STON2: variants seen among roughly 807,000 people sequenced by gnomAD.
STON2 encodes the protein stonin-2.
A neutral mutation model predicts 65.7 loss-of-function variants in STON2; 29 were observed. The observed-to-expected ratio is 0.44, with a 90% CI of 0.33 to 0.60. The LOEUF is 0.60. Ranked by LOEUF, STON2 falls within the 20% of genes least tolerant of loss-of-function variation. The pLI, the probability that STON2 is intolerant of heterozygous loss-of-function variation, is 0.03. For missense variants in STON2, 1,054 were observed against 1,118.1 expected (o/e 0.94, Z 0.82); for synonymous variants, 404 against 414.2 (o/e 0.98, Z 0.30).
chr14:81,369,863 G>A (rs888845067), intron 4 of STON2, among the ~76,000 whole-genome samples: 3 of 152,146 alleles, frequency 2.0e-5, no homozygotes, highest in South Asian at 2.1e-4. Flanking sequence ...AGGTGTGCTC[G>A]CATCCATGAG....
rs76718993 is a variant in STON2 at position 81,307,337 on chromosome 14, C to T, written c.742+16680G>A. ...AACTAAGCAGTAGAAAATCTTCATT[C>T]CTTGAGGCTGATTGAGTGTAATTTT... On this transcript the variant is annotated intron_variant, in intron 5 of 7. Coordinates refer to ENST00000614646, the MANE Select transcript of STON2 (RefSeq NM_001394390.1). Among the ~76,000 whole-genome samples the T allele has an allele frequency of 5.5e-4, 84 of 152,312 alleles. 2 individuals are homozygous for T. The East Asian group carries it at 0.015, about 27-fold the overall frequency.
At chr14:81,435,168 A>G (rs1267237344) in intron 1 of STON2, among the ~76,000 whole-genome samples, 3 of 152,306 alleles carry the variant, frequency 2.0e-5, no homozygotes, top group Admixed American at 6.5e-5. Context: ...GTTGGAATGC[A>G]TTTATCTCTC....
rs1232528998 is a variant in STON2 at position 81,398,477 on chromosome 14, T to C, written c.-95A>G. The C allele has an allele frequency of 8.8e-6, 8 of 904,422 alleles. No individual in the cohort carries two copies. In the Admixed American group the frequency reaches 1.2e-4, roughly 13 times the overall value. The allele number at this position is 904,422 out of a possible 1,614,324, so 56.0% of individuals were successfully genotyped here. ...CTGGAGTAGGGGTATGGTAGTACGG[T>C]AGACTTGGGTCCAGGGTCTGTTCTA... On this transcript the variant is annotated 5_prime_UTR_variant, in exon 2 of 8. Coordinates refer to ENST00000614646, the MANE Select transcript of STON2 (RefSeq NM_001394390.1).
intron 2 of STON2, chr14:81,426,966 T>C (rs1902007991): frequency 6.6e-6 from 1 of 152,256 alleles, no homozygotes; most frequent in Admixed American, 6.5e-5. Context: ...GTAACACTTC[T>C]CATCTCTCAG....
In STON2 at chr14:81,267,328, TCAATC is replaced by T; in HGVS notation, c.*1081_*1085del. On this transcript the variant is annotated 3_prime_UTR_variant, in exon 8 of 8. Coordinates refer to ENST00000614646, the MANE Select transcript of STON2 (RefSeq NM_001394390.1). The stretch of plus-strand genomic sequence containing the variant: ...ACGTCTCTACCCTAGAGATGCCTTT[TCAATC>T]CAATCCAATACTGTGATTATCAAAC... 1 of 985,384 alleles carries T rather than the reference TCAATC, an allele frequency of 1.0e-6. No homozygotes were observed. Among genetic ancestry groups the T allele is most frequent in the South Asian group, 4.7e-5 (1 of 21,288 alleles). The allele number at this position is 985,384 out of a possible 1,614,324, so 61.0% of individuals were successfully genotyped here.
At chr14:81,401,960 G>A (rs866025037), upstream of STON2, among the ~76,000 whole-genome samples, 2 of 152,142 alleles carry the variant, frequency 1.3e-5, no homozygotes, top group South Asian at 2.1e-4. Flanking sequence ...GACAAGTGAG[G>A]GAAGCCTCTG....
intron 5 of STON2, among the ~76,000 whole-genome samples, chr14:81,291,654 A>G (rs937613599): frequency 3.3e-5 from 5 of 152,038 alleles, no homozygotes; most frequent in Non-Finnish European, 5.9e-5. Context: ...GTATGTTTGT[A>G]TGTTTATTAG....
chr14:81,265,702 A>G lies in STON2; in HGVS notation c.*2712T>C, dbSNP rs1177543296. 1.3e-6 allele frequency: 1 copy of G among 766,890 alleles called. No individual in the cohort carries two copies. Among genetic ancestry groups the G allele is most frequent in the Non-Finnish European group, 1.6e-6 (1 of 631,450 alleles). The allele number at this position is 766,890 out of a possible 1,614,324, so 47.5% of individuals were successfully genotyped here. Reference sequence around the variant, plus strand: ...CTCTGTCTCAATAATAATAATAATAATAATTTGTTTGCAGAATATAGATAG... The same window carrying G: ...CTCTGTCTCAATAATAATAATAATAGTAATTTGTTTGCAGAATATAGATAG... On this transcript the variant is annotated 3_prime_UTR_variant, in exon 8 of 8. Coordinates refer to ENST00000614646, the MANE Select transcript of STON2 (RefSeq NM_001394390.1).
At chr14:81,333,650 G>A (rs1434520503) in intron 4 of STON2, among the ~76,000 whole-genome samples, 7 of 152,162 alleles carry the variant, frequency 4.6e-5, no homozygotes, top group South Asian at 2.1e-4. Context: ...CAAATCCTTC[G>A]AGATGAGAGG....
chr14:81,272,856 A>C (rs1331663066), intron 6 of STON2, among the ~76,000 whole-genome samples: 1 of 152,232 alleles, frequency 6.6e-6, no homozygotes, highest in Admixed American at 6.5e-5. Context: ...AGATATTAAT[A>C]ACCCTATTTT....
chr14:81,267,434 C>T lies in STON2; in HGVS notation c.*980G>A. 1.0e-6 allele frequency: 1 copy of T among 985,300 alleles called. No individual in the cohort carries two copies. The highest frequency in any genetic ancestry group is 4.7e-5 in the South Asian group (1 of 21,274). 61.0% of individuals were successfully genotyped at this position (985,300 alleles called of 1,614,324 possible). A position where few individuals can be genotyped will look rare whatever the true frequency, so the allele number is the denominator to read the frequency against. ...AAAATTATCTTTGCAGCTTAAATTT[C>T]CTATAAAGTTGGGTTAAAGGGACAT... On this transcript the variant is annotated 3_prime_UTR_variant, in exon 8 of 8. Transcript: ENST00000614646.
intron 5 of STON2, among the ~76,000 whole-genome samples, chr14:81,304,670 G>A (rs570686789): frequency 6.6e-6 from 1 of 152,280 alleles, no homozygotes; most frequent in Non-Finnish European, 1.5e-5. Flanking sequence ...GGGGGTTGCA[G>A]TGAGCCAAGA....
intron 4 of STON2, among the ~76,000 whole-genome samples, chr14:81,350,110 A>G (rs1897968100): frequency 1.3e-5 from 2 of 152,148 alleles, no homozygotes; most frequent in African/African-American, 4.8e-5. Flanking sequence ...GGGTACAAAC[A>G]TACAGTTAGA....
intron 5 of STON2, among the ~76,000 whole-genome samples, chr14:81,322,378 A>G (rs1896852229): frequency 6.6e-6 from 1 of 152,186 alleles, no homozygotes; most frequent in South Asian, 2.1e-4. Context: ...GAAAAGTCAC[A>G]AATTTGAACC....
chr14:81,428,830 T>A (rs1902106600), intron 1 of STON2, among the ~76,000 whole-genome samples: 1 of 152,246 alleles, frequency 6.6e-6, no homozygotes, highest in Admixed American at 6.5e-5. Flanking sequence ...TTGGTTTTTT[T>A]AAACCAGTTA....
intron 4 of STON2, chr14:81,333,511 G>T (rs951698722): frequency 1.2e-4 from 32 of 257,516 alleles, no homozygotes; most frequent in African/African-American, 7.0e-4. Flanking sequence ...GAAAAGTTAA[G>T]TGTTTTGTAC....
chr14:81,406,096 C>A (rs1900845041), intron 2 of STON2, among the ~76,000 whole-genome samples: 1 of 152,190 alleles, frequency 6.6e-6, no homozygotes, highest in African/African-American at 2.4e-5. Flanking sequence ...TTGCCAGGGG[C>A]TCCTGGGCCT....
At chr14:81,310,150 GGT>G (rs1227655706) in intron 5 of STON2, among the ~76,000 whole-genome samples, 1 of 151,978 alleles carries the variant, frequency 6.6e-6, no homozygotes, top group Non-Finnish European at 1.5e-5. Flanking sequence ...GAAAGACAAC[GGT>G]GTAAGTCACC....
At chr14:81,350,071 CG>C (rs1897965885) in intron 4 of STON2, among the ~76,000 whole-genome samples, 1 of 151,820 alleles carries the variant, frequency 6.6e-6, no homozygotes, top group African/African-American at 2.4e-5. Context: ...ATCAGAGAGT[CG>C]AAAGGGTATG....
Sources: allele counts gnomAD v4.1 joint callset (sites outside exome capture counted in the v4.1 genomes callset), GRCh38; gene constraint gnomAD v4.1.1; transcripts MANE v1.5; gene names NCBI Gene and HGNC (gene_info 2026-07-23, HGNC 2026-07-21).